The following BLK variants were observed in gnomAD, a reference collection of about 807,000 sequenced individuals.
The protein encoded by BLK is BLK proto-oncogene, Src family tyrosine kinase.
Under a neutral mutation model 61.8 loss-of-function variants are expected in BLK, and 64 were observed. That is an observed-to-expected ratio of 1.03 (90% confidence interval 0.85 to 1.27). The LOEUF (loss-of-function observed/expected upper bound fraction) is 1.27, where lower values mean the gene tolerates loss of function less well. BLK is among the 50% of genes most tolerant of loss of function. The pLI is 0.00. For synonymous variants in BLK, 351 were observed against 272.0 expected, an observed-to-expected ratio of 1.29 and a Z score of -2.86; for missense variants, 853 against 660.5, an observed-to-expected ratio of 1.29 and a Z score of -3.19.
intron 1 of BLK, among the ~76,000 whole-genome samples, chr8:11,500,151 T>A (rs932260373): frequency 1.4e-4 from 22 of 152,204 alleles, no homozygotes; most frequent in African/African-American, 5.3e-4. Flanking sequence ...AAATAGCTTA[T>A]TTTTACACAT....
At chr8:11,516,971 CTA>C (rs747256774) in intron 1 of BLK, among the ~76,000 whole-genome samples, 14 of 152,192 alleles carry the variant, frequency 9.2e-5, no homozygotes, top group Non-Finnish European at 1.8e-4. Context: ...TATGGTAATT[CTA>C]TGTTTAATTT....
At chr8:11,563,862 C>T (rs770119384) in intron 12 of BLK, 41 bp from the exon 13 acceptor site, 2 of 1,573,424 alleles carry the variant, frequency 1.3e-6, no homozygotes, top group Non-Finnish European at 1.7e-6. Context: ...CCACCGAGGA[C>T]CCCAGCCCCT....
intron 1 of BLK, among the ~76,000 whole-genome samples, chr8:11,535,654 G>A (rs1328257826): frequency 1.3e-5 from 2 of 152,212 alleles, no homozygotes; most frequent in Non-Finnish European, 2.9e-5. Flanking sequence ...ATGTCGGTGA[G>A]GAACTTGTCA....
intron 1 of BLK, among the ~76,000 whole-genome samples, chr8:11,534,506 A>G (rs1800028528): frequency 1.3e-5 from 2 of 152,190 alleles, no homozygotes; most frequent in African/African-American, 4.8e-5. Flanking sequence ...AGGTGACTCG[A>G]TAAACAAGTG....
At chr8:11,556,293 C>T in intron 8 of BLK, 2 of 354,412 alleles carry the variant, frequency 5.6e-6, no homozygotes, top group Non-Finnish European at 5.5e-6. Flanking sequence ...CCCAGTGTAC[C>T]CCAGGCTGTG....
chr8:11,520,098 T>C (rs1179722534), intron 1 of BLK, among the ~76,000 whole-genome samples: 1 of 152,180 alleles, frequency 6.6e-6, no homozygotes, highest in East Asian at 1.9e-4. Flanking sequence ...CAAAAATACT[T>C]CTATAAAACA....
Position 11,561,380 on chromosome 8 carries a change from G to C in BLK, c.1108G>C (p.Glu370Gln), listed in dbSNP as rs757431553. 2.7e-5 allele frequency: 44 copies of C among 1,614,160 alleles called. No homozygotes were observed. Among genetic ancestry groups the C allele is most frequent in the East Asian group, 4.5e-5 (2 of 44,884 alleles). The change falls in exon 11 of 13, where the codon GAG (glutamate) becomes CAG (glutamine). Residue 370 changes from glutamate (E) to glutamine (Q), a missense_variant. Physicochemically the swap from Glu to Gln is conservative, Grantham distance 29. Transcript: ENST00000259089. ...GCGGGCGGCCAACATCCTGGTGTCT[G>C]AGGCCTTGTGCTGCAAAATTGCTGA... The part of the protein sequence containing the change: ...DLRAANILVS[E>Q]ALCCKIADFG...
rs181833295 is a variant in BLK at position 11,514,627 on chromosome 8, C to A, written c.-2+20036C>A. Among the ~76,000 whole-genome samples, 35 of 152,280 alleles carry A rather than the reference C, an allele frequency of 2.3e-4. 1 individual carries two copies. In the East Asian group the frequency reaches 6.6e-3, roughly 29 times the overall value. ...GTGGGCCTTCTCCATCCACCCAGCC[C>A]CTGTGATTGCACTGCCCCCACCTCT... On this transcript the variant is annotated intron_variant, in intron 1 of 12. Coordinates refer to ENST00000259089, the MANE Select transcript of BLK (RefSeq NM_001715.3).
intron 3 of BLK, among the ~76,000 whole-genome samples, chr8:11,546,508 C>T (rs1242254233): frequency 6.6e-6 from 1 of 152,170 alleles, no homozygotes; most frequent in African/African-American, 2.4e-5. Context: ...TTGTTTCCCG[C>T]TCCCAGTCAC....
At chr8:11,561,595 C>T in intron 11 of BLK, 143 bp downstream of exon 11, 1 of 1,122,770 alleles carries the variant, frequency 8.9e-7, no homozygotes, top group Non-Finnish European at 1.3e-6. Context: ...ATCAGCATTT[C>T]CTTCATTTAC....
chr8:11,498,746 G>T (rs957768710), intron 1 of BLK, among the ~76,000 whole-genome samples: 10 of 152,264 alleles, frequency 6.6e-5, no homozygotes, highest in African/African-American at 2.4e-4. Context: ...TCTCGGGTAG[G>T]TTAATTATAT....
intron 1 of BLK, among the ~76,000 whole-genome samples, chr8:11,537,033 A>T (rs972546744): frequency 1.3e-5 from 2 of 152,250 alleles, no homozygotes; most frequent in African/African-American, 4.8e-5. Flanking sequence ...CTGAATGAAT[A>T]GAAGAACCTC....
rs113656715 is a variant in BLK at position 11,543,242 on chromosome 8, C to T, written c.18C>T (p.Ser6=). The part of the protein sequence containing the change: MGLVS[S]KKPDKEKPIK... ...CCGACAGGATGGGGCTGGTAAGTAG[C>T]AAAAAGCCGGACAAGGAAAAGCCGA... Residue 6 remains serine, a synonymous_variant, in exon 2 of 13, where the codon AGC becomes AGT. Transcript: ENST00000259089. 2.6e-5 allele frequency: 42 copies of T among 1,613,878 alleles called. No individual in the cohort carries two copies. The African/African-American group carries it at 4.0e-4, about 15-fold the overall frequency.
chr8:11,547,988 C>T (rs748776290), intron 3 of BLK, 44 bp from the exon 4 acceptor site: 2 of 1,544,612 alleles, frequency 1.3e-6, no homozygotes, highest in African/African-American at 2.7e-5. Flanking sequence ...CACCTTCCCG[C>T]TTGTGGGCCT....
chr8:11,552,960 A>C (rs879869036), intron 6 of BLK: 1 of 154,594 alleles, frequency 6.5e-6, no homozygotes, highest in African/African-American at 2.4e-5. Flanking sequence ...ATGTGCATAC[A>C]CAGGCATGTG....
intron 2 of BLK, among the ~76,000 whole-genome samples, chr8:11,544,266 G>A (rs1443429813): frequency 6.6e-6 from 1 of 152,136 alleles, no homozygotes; most frequent in Non-Finnish European, 1.5e-5. Flanking sequence ...TGCCGGGCCT[G>A]AAGATACATT....
At chr8:11,515,615 C>A (rs1192878285) in intron 1 of BLK, among the ~76,000 whole-genome samples, 3 of 152,140 alleles carry the variant, frequency 2.0e-5, no homozygotes, top group Non-Finnish European at 1.5e-5. Flanking sequence ...TCTTTAACTG[C>A]ATTATTTTTC....
intron 6 of BLK, chr8:11,552,776 T>C (rs1366010149): frequency 1.3e-5 from 2 of 152,258 alleles, no homozygotes; most frequent in Non-Finnish European, 2.9e-5. Flanking sequence ...GGGTTCTCTA[T>C]GAGTCTGGCA....
At chr8:11,549,645 G>A (rs1800812596) in intron 5 of BLK, among the ~76,000 whole-genome samples, 1 of 152,340 alleles carries the variant, frequency 6.6e-6, no homozygotes, top group Middle Eastern at 3.4e-3. Flanking sequence ...TCTGCCTGAG[G>A]ACTGAGGCCC....
Sources: gnomAD v4.1 joint callset for allele counts (sites outside exome capture counted in the v4.1 genomes callset) on GRCh38, gnomAD v4.1.1 for gene constraint, MANE v1.5 for transcripts, NCBI Gene and HGNC (gene_info 2026-07-23, HGNC 2026-07-21) for gene names.